PKD1: variants seen among roughly 807,000 people sequenced by gnomAD.
The protein encoded by PKD1 is polycystin 1, transient receptor potential channel interacting.
Under a neutral mutation model 361.7 loss-of-function variants are expected in PKD1, and 81 were observed. The ratio of observed to expected loss-of-function variants is 0.22; its 90% confidence interval spans 0.19 to 0.27. PKD1 has a LOEUF of 0.27. PKD1 is among the 10% of genes least tolerant of loss of function. The pLI, the probability that PKD1 is intolerant of heterozygous loss-of-function variation, is 1.00. For synonymous variants in PKD1, 3,615 were observed against 2,818.3 expected (o/e 1.28, Z -8.95); for missense variants, 6,399 against 6,118.3 (o/e 1.05, Z -1.53).
At chr16:2,105,821 C>T (rs2092317791) in intron 20 of PKD1, 44 bp downstream of exon 20, 3 of 1,576,268 alleles carry the variant, frequency 1.9e-6, no homozygotes, top group African/African-American at 1.3e-5. Context: ...TGGTCCCAAG[C>T]ACGCATGCAG....
intron 26 of PKD1, 66 bp downstream of exon 26, chr16:2,101,995 C>G: frequency 9.7e-7 from 1 of 1,031,944 alleles, no homozygotes; most frequent in East Asian, 2.6e-5. Flanking sequence ...GACTCACTCC[C>G]AGAGGGTGCA....
chr16:2,098,291 C>A, intron 30 of PKD1: 1 of 447,762 alleles, frequency 2.2e-6, no homozygotes, highest in Non-Finnish European at 4.1e-6. Context: ...TCACTGCAAC[C>A]TCCACCTCCC....
At chr16:2,131,368 G>A (rs1367516258) in intron 1 of PKD1, among the ~76,000 whole-genome samples, 3 of 151,920 alleles carry the variant, frequency 2.0e-5, no homozygotes, top group Non-Finnish European at 2.9e-5. Flanking sequence ...AAAATTAGCT[G>A]GGCATGGTGG....
At position 2,090,473 on chromosome 16, in the gene PKD1, G is replaced by C. The variant is rs898449056; in HGVS notation, c.12256C>G (p.Leu4086Val). 4 of 1,612,254 alleles carry C rather than the reference G, an allele frequency of 2.5e-6. No homozygotes were observed. Among genetic ancestry groups the C allele is most frequent in the Non-Finnish European group, 3.4e-6 (4 of 1,179,752 alleles). ...CGCAGTGCCCAGAGCCCCACACACA[G>C]CAGGGGTGACAGGTGCCAGGACTCG... ...PAESWHLSPL[L>V]CVGLWALRLW... Residue 4086 changes from leucine (L) to valine (V), a missense_variant, in exon 45 of 46, where the codon CTG becomes GTG. Physicochemically the swap from Leu to Val is conservative, Grantham distance 32 (BLOSUM62 1). Coordinates refer to ENST00000262304, the MANE Select transcript of PKD1 (RefSeq NM_001009944.3).
chr16:2,107,268 G>A, intron 16 of PKD1: 1 of 431,318 alleles, frequency 2.3e-6, no homozygotes, highest in South Asian at 2.1e-5. Context: ...GTGGGTGTGA[G>A]GACCGCAGCT....
Position 2,106,368 on chromosome 16 carries a change from G to A in PKD1, c.7489+30C>T, listed in dbSNP as rs142761413. The stretch of plus-strand genomic sequence containing the variant: ...TGACGTCACAGAGTCGGGGGATCCC[G>A]CTGCTCCCCCCACGCAGGCCTGCAC... On this transcript the variant is annotated intron_variant, in intron 18 of 45. Transcript: ENST00000262304. This position sits in a 1 kb window ranked among gnomAD's most constrained non-coding sequence, Gnocchi z 6.5. The A allele has an allele frequency of 7.7e-3, 12,277 of 1,595,560 alleles. 89 individuals carry two copies. Among genetic ancestry groups the A allele is most frequent in the African/African-American group, 0.033 (2,455 of 74,626 alleles).
chr16:2,108,949 G>A lies in PKD1; in HGVS notation c.6218C>T (p.Thr2073Ile). ...YVALQSGPCF[T>I]NRSAQFEAAT... ...GGCCTCAAACTGCGCCGAGCGGTTG[G>A]TGAAGCAGGGGCCGCTCTGCAGGGC... The change falls in exon 15 of 46, where the codon ACC (threonine) becomes ATC (isoleucine). Residue 2073 changes from threonine (T) to isoleucine (I), a missense_variant. Coordinates refer to ENST00000262304, the MANE Select transcript of PKD1 (RefSeq NM_001009944.3). 6.2e-7 allele frequency: 1 copy of A among 1,607,108 alleles called. No homozygotes were observed. Among genetic ancestry groups the A allele is most frequent in the South Asian group, 1.1e-5 (1 of 90,474 alleles).
rs1366352226 is a variant in PKD1 at position 2,090,432 on chromosome 16, T to C, written c.12297A>G (p.Leu4099=). 13 of 1,612,448 alleles carry C rather than the reference T, an allele frequency of 8.1e-6. No homozygotes were observed. Among genetic ancestry groups the C allele is most frequent in the Non-Finnish European group, 1.0e-5 (12 of 1,179,850 alleles). ...GLWALRLWGA[L]RLGAVILRWR... is the part of the protein sequence containing the mutation. Reference sequence around the variant, plus strand: ...AGCGGAGAATAACAGCCCCCAGCCGTAGGGCGCCCCACAGCCGCAGTGCCC... The same window carrying C: ...AGCGGAGAATAACAGCCCCCAGCCGCAGGGCGCCCCACAGCCGCAGTGCCC... The change falls in exon 45 of 46, where the codon CTA becomes CTG. Residue 4099 remains leucine (L), a synonymous_variant. Coordinates refer to ENST00000262304, the MANE Select transcript of PKD1 (RefSeq NM_001009944.3).
intron 1 of PKD1, among the ~76,000 whole-genome samples, chr16:2,121,657 C>T (rs2092723240): frequency 6.6e-6 from 1 of 152,122 alleles, no homozygotes; most frequent in African/African-American, 2.4e-5. Flanking sequence ...AACTCCACCT[C>T]CCCTCGGCCT....
At chr16:2,128,424 G>A (rs116353685) in intron 1 of PKD1, among the ~76,000 whole-genome samples, 2 of 149,476 alleles carry the variant, frequency 1.3e-5, no homozygotes, top group Non-Finnish European at 3.0e-5. Flanking sequence ...CAAGCACATC[G>A]CAGCCCGACT....
Position 2,111,098 on chromosome 16 carries a change from G to C in PKD1, c.4069C>G (p.Leu1357Val), listed in dbSNP as rs1194605772. 6.2e-7 allele frequency: 1 copy of C among 1,610,708 alleles called. No individual in the cohort carries two copies. The highest frequency in any genetic ancestry group is 1.7e-5 in the Admixed American group (1 of 60,010). The change falls in exon 15 of 46, where the codon CTG (leucine) becomes GTG (valine). Residue 1357 changes from leucine (L) to valine (V), a missense_variant. Coordinates refer to ENST00000262304, the MANE Select transcript of PKD1 (RefSeq NM_001009944.3). The part of the protein sequence containing the change: ...HNFTRSGTFP[L>V]ALVLSSRVNR... ...ACGCGGCTGGACAGCACCAGCGCCA[G>C]GGGGAACGTGCCGCTCCGCGTGAAG...
chr16:2,106,037 G>T lies in PKD1; in HGVS notation c.7704-13C>A, dbSNP rs771223949. ...GATGGCCAAAGACCTACGAGCAGAG[G>T]GGGGTGGTGAGCAGGTGGCAGTCTC... On this transcript the variant is annotated splice_polypyrimidine_tract_variant and intron_variant, in intron 19 of 45. Coordinates refer to ENST00000262304, the MANE Select transcript of PKD1 (RefSeq NM_001009944.3). The surrounding 1 kb of genome is among the most constrained non-coding windows in gnomAD (Gnocchi z 6.5). 4.3e-5 allele frequency: 69 copies of T among 1,606,854 alleles called. No homozygotes were observed. Among genetic ancestry groups the T allele is most frequent in the Non-Finnish European group, 5.3e-5 (62 of 1,178,784 alleles).
In PKD1 at chr16:2,089,591, G is replaced by A; in HGVS notation, c.*136C>T. On this transcript the variant is annotated 3_prime_UTR_variant, in exon 46 of 46. Transcript: ENST00000262304. Reference sequence around the variant, plus strand: ...TTTAAAGTGCTGAAGCCCACAGACAGACAGATGCCCCTGCCTGCTCTCTGG... The same window carrying A: ...TTTAAAGTGCTGAAGCCCACAGACAAACAGATGCCCCTGCCTGCTCTCTGG... 4 of 1,123,190 alleles carry A rather than the reference G, an allele frequency of 3.6e-6. No homozygotes were observed. Among genetic ancestry groups the A allele is most frequent in the Non-Finnish European group, 5.1e-6 (4 of 782,756 alleles). The allele number at this position is 1,123,190 out of a possible 1,614,324, so 69.6% of individuals were successfully genotyped here. A position where few individuals can be genotyped will look rare whatever the true frequency, so the allele number is the denominator to read the frequency against.
rs555499745 is a variant in PKD1, at chr16:2,105,961, G to A, written c.7767C>T (p.His2589=). The change falls in exon 20 of 46, where the codon CAC becomes CAT. Residue 2589 remains histidine (H), a synonymous_variant. Coordinates refer to ENST00000262304, the MANE Select transcript of PKD1 (RefSeq NM_001009944.3). ...GSATGLTVWL[H]GLTASVLPGL... ...CTGGGAGCACACTAGCGGTGAGCCC[G>A]TGCAGCCAGACTGTGAGCCCCGTTG... The A allele has an allele frequency of 4.3e-5, 69 of 1,600,216 alleles. 1 individual carries two copies. The highest frequency in any genetic ancestry group is 1.2e-4 in the Admixed American group (7 of 60,008).
chr16:2,092,210 GC>G (rs776716349), intron 39 of PKD1, 22 bp from the exon 40 acceptor site: 1 of 1,569,630 alleles, frequency 6.4e-7, no homozygotes, highest in Non-Finnish European at 8.6e-7. Flanking sequence ...AGAGCCCCAG[GC>G]CGGGGCCAGG....
chr16:2,091,690 C>T (rs971553671), intron 41 of PKD1, 91 bp downstream of exon 41: 1 of 1,568,692 alleles, frequency 6.4e-7, no homozygotes, highest in Non-Finnish European at 8.6e-7. Context: ...CTGTGGAAGC[C>T]GCCTAGGCCA....
chr16:2,103,606 G>A lies in PKD1; in HGVS notation c.8451C>T (p.Ala2817=), dbSNP rs1331385625. 2.5e-6 allele frequency: 4 copies of A among 1,610,492 alleles called. No homozygotes were observed. The highest frequency in any genetic ancestry group is 2.5e-6 in the Non-Finnish European group (3 of 1,179,734). ...TGAGCTGCACCACGTCACTGAGGTT[G>A]GCCAGGGCCCCGCTGAAAGCCTCGG... ...SIPEAFSGAL[A]NLSDVVQLIF... is the part of the protein sequence containing the mutation. Residue 2817 remains alanine, a synonymous_variant, in exon 23 of 46, where the codon GCC becomes GCT. Coordinates refer to ENST00000262304, the MANE Select transcript of PKD1 (RefSeq NM_001009944.3).
chr16:2,110,890 G>A lies in PKD1; in HGVS notation c.4277C>T (p.Ala1426Val), dbSNP rs2092484403. The change falls in exon 15 of 46, where the codon GCC (alanine) becomes GTC (valine). Residue 1426 changes from alanine (A) to valine (V), a missense_variant. Physicochemically the swap from Ala to Val is moderately conservative, Grantham distance 64 (BLOSUM62 0). Transcript: ENST00000262304. The part of the protein sequence containing the change: ...FGTEEAAPTR[A>V]RGPEVTFIYR... ...GATGAACGTCACCTCAGGGCCCCTG[G>A]CACGGGTGGGGGCGGCTTCCTCGGT... 2 of 1,611,674 alleles carry A rather than the reference G, an allele frequency of 1.2e-6. No homozygotes were observed. The highest frequency in any genetic ancestry group is 1.7e-6 in the Non-Finnish European group (2 of 1,179,844).
chr16:2,094,282 T>C, intron 34 of PKD1, 72 bp from the exon 35 acceptor site: 3 of 970,980 alleles, frequency 3.1e-6, no homozygotes, highest in Non-Finnish European at 3.3e-6. Context: ...CATGTTAACC[T>C]GGGCGGGCAG....
Sources: allele counts gnomAD v4.1 joint callset (sites outside exome capture counted in the v4.1 genomes callset), GRCh38; gene constraint gnomAD v4.1.1; non-coding constraint Gnocchi (gnomAD v3.1); transcripts MANE v1.5; gene names NCBI Gene and HGNC (gene_info 2026-07-23, HGNC 2026-07-21).